Variants in NAALADL2 observed in about 807,000 individuals in gnomAD.
NAALADL2 encodes inactive N-acetylated-alpha-linked acidic dipeptidase-like protein 2.
NAALADL2 carries 76 observed loss-of-function variants against 87.2 expected under a neutral mutation model. The ratio of observed to expected loss-of-function variants is 0.87; its 90% CI spans 0.72 to 1.05. The LOEUF is 1.05. NAALADL2 is among the 50% of genes least tolerant of loss of function. NAALADL2 has a pLI of 0.00. For missense variants in NAALADL2, 1,089 were observed against 945.8 expected (o/e 1.15, Z -1.99); for synonymous variants, 354 against 331.0 (o/e 1.07, Z -0.75).
At chr3:174,470,000 C>T (rs907688324) in intron 1 of NAALADL2, among the ~76,000 whole-genome samples, 7 of 151,790 alleles carry the variant, frequency 4.6e-5, no homozygotes, top group African/African-American at 1.7e-4. Context: ...TCTTGTATTT[C>T]TCATTTACTT....
intron 1 of NAALADL2, among the ~76,000 whole-genome samples, chr3:174,441,455 G>A (rs1276334376): frequency 6.6e-6 from 1 of 152,160 alleles, no homozygotes; most frequent in African/African-American, 2.4e-5. Context: ...CCGACACGGC[G>A]CGCTAGCGGG....
chr3:174,581,101 G>C (rs888891765), intron 2 of NAALADL2, among the ~76,000 whole-genome samples: 1 of 152,122 alleles, frequency 6.6e-6, no homozygotes, highest in African/African-American at 2.4e-5. Context: ...TGTAGAAATT[G>C]TTTCAAAAAA....
chr3:175,653,003 A>T (rs1374344812), intron 11 of NAALADL2, among the ~76,000 whole-genome samples: 1 of 152,172 alleles, frequency 6.6e-6, no homozygotes, highest in Non-Finnish European at 1.5e-5. Context: ...TATGTATTGT[A>T]CACTGTATTC....
At chr3:175,676,905 G>C (rs567371206) in intron 11 of NAALADL2, 1 of 152,350 alleles carries the variant, frequency 6.6e-6, no homozygotes, top group South Asian at 2.1e-4. Flanking sequence ...GTGAAGCCTT[G>C]AGAGGGTGGT....
At chr3:174,615,399 G>A (rs1411454205) in intron 2 of NAALADL2, among the ~76,000 whole-genome samples, 3 of 152,120 alleles carry the variant, frequency 2.0e-5, no homozygotes, top group African/African-American at 7.2e-5. Context: ...AATTGATAGA[G>A]GTGGTTTTTC....
intron 11 of NAALADL2, among the ~76,000 whole-genome samples, chr3:175,712,221 T>C (rs1019031638): frequency 6.6e-6 from 1 of 152,088 alleles, no homozygotes; most frequent in Non-Finnish European, 1.5e-5. Context: ...TTAAAAGCTT[T>C]GATTTAAATT....
At chr3:175,338,880 G>A (rs1762302674) in intron 5 of NAALADL2, among the ~76,000 whole-genome samples, 1 of 152,308 alleles carries the variant, frequency 6.6e-6, no homozygotes, top group Admixed American at 6.5e-5. Flanking sequence ...AAGAAAGTGA[G>A]TGACTCATCA....
chr3:174,999,141 T>C (rs1340900664), intron 1 of NAALADL2, among the ~76,000 whole-genome samples: 6 of 152,152 alleles, frequency 3.9e-5, no homozygotes, highest in African/African-American at 1.4e-4. Flanking sequence ...TACTTAGAAG[T>C]GGAACAAAAT....
chr3:175,394,546 A>AT (rs1197545297), intron 5 of NAALADL2, among the ~76,000 whole-genome samples: 3 of 152,214 alleles, frequency 2.0e-5, no homozygotes, highest in Non-Finnish European at 4.4e-5. Context: ...TCACCTTGAG[A>AT]TTCATTGTGT....
intron 5 of NAALADL2, among the ~76,000 whole-genome samples, chr3:175,357,510 A>G (rs908480594): frequency 6.6e-6 from 1 of 152,166 alleles, no homozygotes; most frequent in South Asian, 2.1e-4. Context: ...CAACTGTCCC[A>G]TAGATTTTTC....
At chr3:175,068,306 G>C (rs575440537) in intron 1 of NAALADL2, among the ~76,000 whole-genome samples, 1 of 152,106 alleles carries the variant, frequency 6.6e-6, no homozygotes, top group South Asian at 2.1e-4. Flanking sequence ...CTCCTCACAG[G>C]AATGGATGAT....
intron 10 of NAALADL2, among the ~76,000 whole-genome samples, chr3:175,578,879 TG>T (rs1719309859): frequency 6.6e-6 from 1 of 152,242 alleles, no homozygotes; most frequent in African/African-American, 2.4e-5. Flanking sequence ...CCATGTTGTT[TG>T]TCCAAGAGTG....
intron 3 of NAALADL2, among the ~76,000 whole-genome samples, chr3:174,802,703 A>C (rs1179960189): frequency 6.6e-6 from 1 of 151,766 alleles, no homozygotes; most frequent in Admixed American, 6.6e-5. Context: ...CTGTTGTTCA[A>C]CTCCTACCTA....
At chr3:174,629,177 A>G (rs1358327361) in intron 2 of NAALADL2, among the ~76,000 whole-genome samples, 2 of 152,182 alleles carry the variant, frequency 1.3e-5, no homozygotes, top group African/African-American at 4.8e-5. Context: ...AGTTATGCTT[A>G]TATTTAACAA....
intron 1 of NAALADL2, among the ~76,000 whole-genome samples, chr3:174,535,229 C>T (rs1235241272): frequency 6.6e-6 from 1 of 152,122 alleles, no homozygotes; most frequent in Non-Finnish European, 1.5e-5. Context: ...TGCTCACTGC[C>T]ATATTCATGG....
At chr3:174,758,700 T>G (rs1712470495) in intron 3 of NAALADL2, among the ~76,000 whole-genome samples, 1 of 152,250 alleles carries the variant, frequency 6.6e-6, no homozygotes, top group African/African-American at 2.4e-5. Flanking sequence ...AGCTCTGTGC[T>G]TTTCCAGTCC....
At chr3:175,248,152 TAC>T (rs1330305134) in intron 3 of NAALADL2, among the ~76,000 whole-genome samples, 1 of 152,138 alleles carries the variant, frequency 6.6e-6, no homozygotes, top group Non-Finnish European at 1.5e-5. Flanking sequence ...AAATCCGGAT[TAC>T]AGAGTCAGGC....
At chr3:175,695,149 C>CT (rs897721145) in intron 11 of NAALADL2, among the ~76,000 whole-genome samples, 6 of 150,552 alleles carry the variant, frequency 4.0e-5, no homozygotes, top group East Asian at 3.9e-4. Context: ...GTAGAGTAAT[C>CT]TTTTTTAATT....
At chr3:175,619,404 A>C (rs1422226628) in intron 10 of NAALADL2, among the ~76,000 whole-genome samples, 1 of 152,104 alleles carries the variant, frequency 6.6e-6, no homozygotes, top group Non-Finnish European at 1.5e-5. Flanking sequence ...AGGAAAAAAA[A>C]ATAATCCATT....
Sources: allele counts gnomAD v4.1 joint callset (sites outside exome capture counted in the v4.1 genomes callset), GRCh38; gene constraint gnomAD v4.1.1; transcripts MANE v1.5; gene names NCBI Gene and HGNC (gene_info 2026-07-23, HGNC 2026-07-21).